The following VCP variants were observed in gnomAD, a reference collection of about 807,000 sequenced individuals.
The protein encoded by VCP is valosin containing protein, also known as transitional endoplasmic reticulum ATPase.
In VCP, 6 loss-of-function variants were observed where a neutral mutation model predicts 85.7. That is an observed-to-expected ratio of 0.07 (90% CI 0.04 to 0.14). VCP has a LOEUF of 0.14. Among genes scored for constraint, VCP ranks in the 10% least tolerant of loss-of-function variants. The pLI is 1.00. For synonymous variants in VCP, 384 were observed against 367.1 expected, an observed-to-expected ratio of 1.05 and a Z score of -0.53; for missense variants, 353 against 1,043.4, an observed-to-expected ratio of 0.34 and a Z score of 9.12.
Position 35,064,139 on chromosome 9 carries a change from G to A in VCP, c.708+15C>T. On this transcript the variant is annotated intron_variant, in intron 6 of 16. Transcript: ENST00000358901. ...GCACCACTTTAGACTTGATTCCAGA[G>A]CCCAGGATGCTCACCTTCACACCAA... 2 of 1,614,070 alleles carry A rather than the reference G, an allele frequency of 1.2e-6. No homozygotes were observed. Among genetic ancestry groups the A allele is most frequent in the African/African-American group, 1.3e-5 (1 of 75,042 alleles).
chr9:35,062,127 C>T lies in VCP; in HGVS notation c.957G>A (p.Glu319=), dbSNP rs1828738502. ...IAPKREKTHG[E]VERRIVSQLL... Reference sequence around the variant, plus strand: ...ACTGTGATACAATGCGCCGCTCCACCTCGCCATGAGTCTGCCAGAACAGGA... The same window carrying T: ...ACTGTGATACAATGCGCCGCTCCACTTCGCCATGAGTCTGCCAGAACAGGA... The change falls in exon 9 of 17, where the codon GAG becomes GAA. Residue 319 remains glutamate (E), a synonymous_variant. Coordinates refer to ENST00000358901, the MANE Select transcript of VCP (RefSeq NM_007126.5). The T allele has an allele frequency of 6.2e-7, 1 of 1,614,144 alleles. No homozygotes were observed. Among genetic ancestry groups the T allele is most frequent in the Non-Finnish European group, 8.5e-7 (1 of 1,180,026 alleles).
intron 16 of VCP, 72 bp from the exon 17 acceptor site, chr9:35,057,294 T>C: frequency 6.2e-7 from 1 of 1,613,732 alleles, no homozygotes. Context: ...ACTACCCCTC[T>C]AGCTTCCTTA....
Position 35,059,237 on chromosome 9 carries a change from G to A in VCP, c.2005-18C>T, listed in dbSNP as rs1828672560. ...TCCACATCCTAAAAGCAGCAGCAGA[G>A]GTACCTTAGCATTTAGCCTCTCCTC... On this transcript the variant is annotated intron_variant, in intron 14 of 16. Transcript: ENST00000358901. The surrounding 1 kb of genome is among the most constrained non-coding windows in gnomAD (Gnocchi z 4.9). 6.2e-7 allele frequency: 1 copy of A among 1,614,046 alleles called. No individual in the cohort carries two copies. Among genetic ancestry groups the A allele is most frequent in the Non-Finnish European group, 8.5e-7 (1 of 1,180,016 alleles).
intron 1 of VCP, among the ~76,000 whole-genome samples, chr9:35,068,825 C>T (rs1158472262): frequency 4.6e-5 from 7 of 151,736 alleles, no homozygotes; most frequent in Non-Finnish European, 8.8e-5. Context: ...ATGTCCTCCT[C>T]TATAAAAGAA....
chr9:35,061,451 T>C, intron 10 of VCP, 126 bp downstream of exon 10: 1 of 1,013,908 alleles, frequency 9.9e-7, no homozygotes, highest in South Asian at 1.3e-5. Context: ...AATCTCAGAT[T>C]ACTTCCTTTC....
In VCP at chr9:35,057,012, G is replaced by T; in HGVS notation, c.*105C>A. ...GCTGAACTGTTCAGACTGGAGAATG[G>T]AGCAGGCTGTGGGCGCACCCCTGGT... On this transcript the variant is annotated 3_prime_UTR_variant, in exon 17 of 17. Transcript: ENST00000358901. 2 of 1,098,608 alleles carry T rather than the reference G, an allele frequency of 1.8e-6. No individual in the cohort carries two copies. The highest frequency in any genetic ancestry group is 3.5e-5 in the Admixed American group (2 of 57,564). 68.1% of individuals were successfully genotyped at this position (1,098,608 alleles called of 1,614,324 possible).
chr9:35,072,065 G>A (rs756256106), intron 1 of VCP: 63 of 1,271,180 alleles, frequency 5.0e-5, no homozygotes, highest in Non-Finnish European at 4.9e-5. Flanking sequence ...GGAGCCAATC[G>A]GGCGGGCCGG....
Position 35,063,097 on chromosome 9 carries a change from AGT to A in VCP, c.709-19_709-18del, listed in dbSNP as rs762714211. On this transcript the variant is annotated intron_variant, in intron 6 of 16. Coordinates refer to ENST00000358901, the MANE Select transcript of VCP (RefSeq NM_007126.5). ...TCTAGGAGGCTGTGGACCAATGCAG[AGT>A]GTGATTAGGTTCCCACCTTCTCCCA... 5 of 1,613,382 alleles carry A rather than the reference AGT, an allele frequency of 3.1e-6. No individual in the cohort carries two copies. The highest frequency in any genetic ancestry group is 4.2e-6 in the Non-Finnish European group (5 of 1,179,438).
At chr9:35,066,243 C>T (rs1828827696) in intron 4 of VCP, among the ~76,000 whole-genome samples, 1 of 149,992 alleles carries the variant, frequency 6.7e-6, no homozygotes, top group Non-Finnish European at 1.5e-5. Flanking sequence ...CCAGCCTGGG[C>T]ATCATAGTGA....
In VCP at chr9:35,056,689, A is replaced by T. The variant is rs940386227; in HGVS notation, c.*428T>A. 1.6e-5 allele frequency: 4 copies of T among 255,228 alleles called. No homozygotes were observed. The highest frequency in any genetic ancestry group is 8.8e-5 in the African/African-American group (4 of 45,556). 15.8% of individuals were successfully genotyped at this position (255,228 alleles called of 1,614,324 possible). On this transcript the variant is annotated 3_prime_UTR_variant, in exon 17 of 17. Coordinates refer to ENST00000358901, the MANE Select transcript of VCP (RefSeq NM_007126.5). The stretch of plus-strand genomic sequence containing the variant: ...AATAAATCAACCTACTCTCTATATA[A>T]ACATCCAGCAACTGTGGCCCCTACC...
At chr9:35,064,892 G>A (rs1016588770) in intron 5 of VCP, among the ~76,000 whole-genome samples, 2 of 152,100 alleles carry the variant, frequency 1.3e-5, no homozygotes, top group African/African-American at 4.8e-5. Context: ...TTTTGAGACA[G>A]AGTCTCACTC....
In VCP at chr9:35,059,800, G is replaced by A; in HGVS notation, c.1697C>T (p.Ala566Val). Reference protein sequence around the residue: ...EANVREIFDKARQAAPCVLFF... With the variant: ...EANVREIFDKVRQAAPCVLFF... Reference sequence around the variant, plus strand: ...TAGCACACAGGGGGCAGCTTGGCGGGCCTGTAGGAGGAATGGATTGATTCA... The same window carrying A: ...TAGCACACAGGGGGCAGCTTGGCGGACCTGTAGGAGGAATGGATTGATTCA... The change falls in exon 14 of 17, where the codon GCC (alanine) becomes GTC (valine). Residue 566 changes from alanine to valine, a missense_variant and splice_region_variant. Physicochemically the swap from Ala to Val is moderately conservative, Grantham distance 64 (BLOSUM62 0). Transcript: ENST00000358901. This position sits in a 1 kb window ranked among gnomAD's most constrained non-coding sequence, Gnocchi z 4.9. The A allele has an allele frequency of 6.2e-7, 1 of 1,614,112 alleles. No homozygotes were observed. Among genetic ancestry groups the A allele is most frequent in the Non-Finnish European group, 8.5e-7 (1 of 1,180,036 alleles).
Position 35,059,005 on chromosome 9 carries a change from T to G in VCP, c.2160+59A>C, listed in dbSNP as rs778014590. On this transcript the variant is annotated intron_variant, in intron 15 of 16. Coordinates refer to ENST00000358901, the MANE Select transcript of VCP (RefSeq NM_007126.5). The surrounding 1 kb of genome is among the most constrained non-coding windows in gnomAD (Gnocchi z 4.9). Reference sequence around the variant, plus strand: ...TTCTACTCTCAACTCCAGGGCATGGTGGTGGCTGCTGCCTGGCTCTCCATG... The same window carrying G: ...TTCTACTCTCAACTCCAGGGCATGGGGGTGGCTGCTGCCTGGCTCTCCATG... 6.8e-6 allele frequency: 11 copies of G among 1,607,472 alleles called. No homozygotes were observed. The highest frequency in any genetic ancestry group is 9.3e-6 in the Non-Finnish European group (11 of 1,177,798).
At chr9:35,070,928 C>T (rs966857619) in intron 1 of VCP, among the ~76,000 whole-genome samples, 4 of 152,118 alleles carry the variant, frequency 2.6e-5, no homozygotes, top group African/African-American at 9.7e-5. Context: ...GGGCCAACAG[C>T]AGTTCTGGAC....
In VCP at chr9:35,071,427, G is replaced by T. The variant is rs76189776; in HGVS notation, c.17+910C>A. Among the ~76,000 whole-genome samples, 910 of 150,466 alleles carry T rather than the reference G, an allele frequency of 6.0e-3. 16 individuals carry two copies. The highest frequency in any genetic ancestry group is 0.059 in the East Asian group (297 of 5,048). ...GGGGTCAGAAAGCCCCAGAGCCCGG[G>T]TAATTTCTCAATATAGCTGGTTGGG... On this transcript the variant is annotated intron_variant, in intron 1 of 16. Transcript: ENST00000358901.
At chr9:35,068,526 A>G (rs1438646978) in intron 1 of VCP, among the ~76,000 whole-genome samples, 164 bp from the exon 2 acceptor site, 3 of 152,202 alleles carry the variant, frequency 2.0e-5, no homozygotes, top group African/African-American at 7.2e-5. Context: ...AGTATCTACC[A>G]TACATATTAC....
chr9:35,062,827 C>T (rs142039727), intron 7 of VCP, 151 bp downstream of exon 7: 1 of 802,240 alleles, frequency 1.2e-6, no homozygotes, highest in African/African-American at 1.7e-5. Flanking sequence ...CTTTATTGCT[C>T]TTCTGTCTGT....
chr9:35,061,742 G>C (rs956195623), intron 9 of VCP, 53 bp from the exon 10 acceptor site: 3 of 1,509,000 alleles, frequency 2.0e-6, no homozygotes, highest in East Asian at 4.5e-5. Context: ...CCAGAGGTAA[G>C]AGACAGGCCT....
intron 1 of VCP, chr9:35,071,617 G>C (rs919593028): frequency 2.7e-6 from 2 of 741,746 alleles, no homozygotes; most frequent in African/African-American, 1.9e-5. Context: ...CCACCCACGA[G>C]TCATAACATT....
Sources: gnomAD v4.1 joint callset for allele counts (sites outside exome capture counted in the v4.1 genomes callset) on GRCh38, gnomAD v4.1.1 for gene constraint, Gnocchi (gnomAD v3.1) non-coding constraint, MANE v1.5 for transcripts, NCBI Gene and HGNC (gene_info 2026-07-23, HGNC 2026-07-21) for gene names.